The following MYNN variants were observed in gnomAD, a reference collection of about 807,000 sequenced individuals.
MYNN encodes the protein myoneurin, also known as zinc finger and BTB domain-containing protein 31.
Under a neutral mutation model 57.2 loss-of-function variants are expected in MYNN, and 22 were observed. That is an observed-to-expected ratio of 0.38 (90% confidence interval 0.27 to 0.55). MYNN has a LOEUF of 0.55. MYNN is among the 20% of genes least tolerant of loss of function. The pLI, the probability that MYNN is intolerant of heterozygous loss-of-function variation, is 0.71. For synonymous variants in MYNN, 241 were observed against 257.1 expected, an observed-to-expected ratio of 0.94 and a Z score of 0.60; for missense variants, 566 against 723.1, an observed-to-expected ratio of 0.78 and a Z score of 2.49.
intron 4 of MYNN, among the ~76,000 whole-genome samples, chr3:169,781,708 T>C (rs376949029): frequency 2.1e-4 from 32 of 152,250 alleles, no homozygotes; most frequent in African/African-American, 7.5e-4. Context: ...ATTGTAAAAT[T>C]CTGTGATAGG....
At chr3:169,784,798 C>A in intron 7 of MYNN, 90 bp downstream of exon 7, 2 of 793,734 alleles carry the variant, frequency 2.5e-6, no homozygotes, top group Non-Finnish European at 3.9e-6. Context: ...ATGAGATTTA[C>A]ATTTAAGCAG....
intron 1 of MYNN, 168 bp from the exon 2 acceptor site, chr3:169,774,097 G>C: frequency 1.7e-6 from 1 of 583,942 alleles, no homozygotes; most frequent in South Asian, 2.1e-5. Context: ...AGTTGATCAA[G>C]GTAACCAAAG....
At chr3:169,783,970 A>G in intron 6 of MYNN, 1 of 265,018 alleles carries the variant, frequency 3.8e-6, no homozygotes, top group South Asian at 3.6e-5. Flanking sequence ...TGTAAATTGT[A>G]TAAAGAAAAT....
intron 7 of MYNN, among the ~76,000 whole-genome samples, chr3:169,785,222 T>C (rs926028115): frequency 6.6e-6 from 1 of 152,086 alleles, no homozygotes; most frequent in East Asian, 1.9e-4. Context: ...CTTGAAAAAG[T>C]TTCCCTGTGC....
In MYNN at chr3:169,782,363, G is replaced by T. The variant is rs1322918201; in HGVS notation, c.1221-102G>T. 2.1e-6 allele frequency: 2 copies of T among 955,196 alleles called. No homozygotes were observed. The allele number at this position is 955,196 out of a possible 1,614,324, so 59.2% of individuals were successfully genotyped here. A position where few individuals can be genotyped will look rare whatever the true frequency, so the allele number is the denominator to read the frequency against. Reference sequence around the variant, plus strand: ...GATTTTAAATACATAGTCTTGGCCTGTTAAGATGACATGAAATAAAATCTA... The same window carrying T: ...GATTTTAAATACATAGTCTTGGCCTTTTAAGATGACATGAAATAAAATCTA... On this transcript the variant is annotated intron_variant, in intron 4 of 7. Coordinates refer to ENST00000349841, the MANE Select transcript of MYNN (RefSeq NM_018657.5). This position sits in a 1 kb window ranked among gnomAD's most constrained non-coding sequence, Gnocchi z 4.8.
Position 169,787,200 on chromosome 3 carries a change from C to T in MYNN, c.*522C>T, listed in dbSNP as rs1778700705. ...GCGCTGAATAAGAATTGTGCTATTT[C>T]TCTATTAATATATTGTTAGAAATAA... On this transcript the variant is annotated 3_prime_UTR_variant, in exon 8 of 8. Transcript: ENST00000349841. 1 of 152,474 alleles carries T rather than the reference C, an allele frequency of 6.6e-6. No homozygotes were observed. The highest frequency in any genetic ancestry group is 2.4e-5 in the African/African-American group (1 of 41,410). 9.4% of individuals were successfully genotyped at this position (152,474 alleles called of 1,614,324 possible). A position where few individuals can be genotyped will look rare whatever the true frequency, so the allele number is the denominator to read the frequency against.
Position 169,786,914 on chromosome 3 carries a change from G to A in MYNN, c.*236G>A. 1 of 393,260 alleles carries A rather than the reference G, an allele frequency of 2.5e-6. No individual in the cohort carries two copies. The allele number at this position is 393,260 out of a possible 1,614,324, so 24.4% of individuals were successfully genotyped here. On this transcript the variant is annotated 3_prime_UTR_variant, in exon 8 of 8. Transcript: ENST00000349841. ...TGAATTATGTAGCACTATTTTGGGT[G>A]GATGAGTTTTATTTTCTTTTAAAGC...
chr3:169,775,813 A>G (rs1411276184), intron 2 of MYNN, among the ~76,000 whole-genome samples: 1 of 152,176 alleles, frequency 6.6e-6, no homozygotes, highest in African/African-American at 2.4e-5. Flanking sequence ...GTATACATTA[A>G]GCAAAATCTT....
At chr3:169,774,707 T>TG in intron 2 of MYNN, 146 bp downstream of exon 2, 6 of 741,292 alleles carry the variant, frequency 8.1e-6, no homozygotes, top group South Asian at 1.8e-5. Flanking sequence ...AAGAAATCAG[T>TG]ATCACTGATT....
In MYNN at chr3:169,786,775, T is replaced by C. The variant is rs1778691582; in HGVS notation, c.*97T>C. 7.9e-7 allele frequency: 1 copy of C among 1,268,108 alleles called. No individual in the cohort carries two copies. Among genetic ancestry groups the C allele is most frequent in the African/African-American group, 1.5e-5 (1 of 66,718 alleles). 78.6% of individuals were successfully genotyped at this position (1,268,108 alleles called of 1,614,324 possible). ...ATTAAATTCCCATTCATTTGAGTTG[T>C]GACCATTATTTTTCATTCACTGAAG... On this transcript the variant is annotated 3_prime_UTR_variant, in exon 8 of 8. Coordinates refer to ENST00000349841, the MANE Select transcript of MYNN (RefSeq NM_018657.5).
At chr3:169,776,694 ATTTTTTT>A (rs10681957) in intron 2 of MYNN, among the ~76,000 whole-genome samples, 7 of 105,628 alleles carry the variant, frequency 6.6e-5, no homozygotes, top group East Asian at 3.8e-4. Flanking sequence ...TGTTGAACAA[ATTTTTTT>A]TTTTTTTTTT....
intron 3 of MYNN, chr3:169,780,293 C>T (rs895008851): frequency 1.0e-5 from 2 of 191,964 alleles, no homozygotes; most frequent in Non-Finnish European, 1.1e-5. Flanking sequence ...CTCCTGAACT[C>T]GTGATCCGCC....
chr3:169,785,788 T>C lies in MYNN; in HGVS notation c.1571-628T>C, dbSNP rs147424091. Among the ~76,000 whole-genome samples the C allele has an allele frequency of 4.3e-3, 650 of 152,094 alleles. 8 individuals are homozygous for C. Among genetic ancestry groups the C allele is most frequent in the Admixed American group, 0.034 (513 of 15,268 alleles). ...TGAAACCAAAATCATGTCAACACTT[T>C]AGAGTAACGGAAGCATGTTAAAGCC... On this transcript the variant is annotated intron_variant, in intron 7 of 7. Coordinates refer to ENST00000349841, the MANE Select transcript of MYNN (RefSeq NM_018657.5).
chr3:169,773,966 C>T, intron 1 of MYNN: 2 of 287,766 alleles, frequency 7.0e-6, no homozygotes, highest in Non-Finnish European at 1.3e-5. Flanking sequence ...AGTATGTCTA[C>T]TGAGCTTGAA....
rs1409204652 is a variant in MYNN at position 169,789,182 on chromosome 3, C to T, written c.*2504C>T. The stretch of plus-strand genomic sequence containing the variant: ...AAATTTTTTTGCTGTTTTTAAATGG[C>T]ATTTGTCTTATGTTTAATTTCACAG... On this transcript the variant is annotated 3_prime_UTR_variant, in exon 8 of 8. Transcript: ENST00000349841. 3.3e-5 allele frequency: 5 copies of T among 152,140 alleles called. No individual in the cohort carries two copies. The highest frequency in any genetic ancestry group is 2.1e-4 in the South Asian group (1 of 4,826). The allele number at this position is 152,140 out of a possible 1,614,324, so 9.4% of individuals were successfully genotyped here.
rs1197930382 is a variant in MYNN at position 169,782,722 on chromosome 3, A to G, written c.1399+79A>G. On this transcript the variant is annotated intron_variant, in intron 5 of 7. Coordinates refer to ENST00000349841, the MANE Select transcript of MYNN (RefSeq NM_018657.5). This position sits in a 1 kb window ranked among gnomAD's most constrained non-coding sequence, Gnocchi z 4.8. The stretch of plus-strand genomic sequence containing the variant: ...GGGGACTTGGGCCTTTTAGCGAAGT[A>G]GATCGGAAACTTTGTAGTTAGATAT... 4 of 1,192,212 alleles carry G rather than the reference A, an allele frequency of 3.4e-6. No individual in the cohort carries two copies. The East Asian group carries it at 9.8e-5, about 29-fold the overall frequency. The allele number at this position is 1,192,212 out of a possible 1,614,324, so 73.9% of individuals were successfully genotyped here. A position where few individuals can be genotyped will look rare whatever the true frequency, so the allele number is the denominator to read the frequency against.
chr3:169,780,839 G>A, intron 4 of MYNN, 90 bp downstream of exon 4: 1 of 1,102,856 alleles, frequency 9.1e-7, no homozygotes, highest in Non-Finnish European at 1.2e-6. Flanking sequence ...CAGGACAGTA[G>A]AATTGTAATT....
At chr3:169,773,818 T>C (rs1778247191) in intron 1 of MYNN, among the ~76,000 whole-genome samples, 1 of 152,216 alleles carries the variant, frequency 6.6e-6, no homozygotes, top group Non-Finnish European at 1.5e-5. Context: ...CAGCCACCTC[T>C]CGTTTTGGAG....
intron 7 of MYNN, 120 bp downstream of exon 7, chr3:169,784,828 T>G (rs1052976766): frequency 1.2e-4 from 65 of 559,814 alleles, no homozygotes; most frequent in Non-Finnish European, 1.7e-4. Flanking sequence ...GATGTCTATT[T>G]CAAAAACTAG....
Sources: allele counts gnomAD v4.1 joint callset (sites outside exome capture counted in the v4.1 genomes callset), GRCh38; gene constraint gnomAD v4.1.1; non-coding constraint Gnocchi (gnomAD v3.1); transcripts MANE v1.5; gene names NCBI Gene and HGNC (gene_info 2026-07-23, HGNC 2026-07-21).